Variants in DENND5A observed in about 807,000 individuals in gnomAD.
The protein encoded by DENND5A is DENN domain containing 5A.
DENND5A carries 64 observed loss-of-function variants against 140.3 expected under a neutral mutation model. That is an observed-to-expected ratio of 0.46 (90% confidence interval 0.37 to 0.56). The LOEUF is 0.56. DENND5A is among the 20% of genes least tolerant of loss of function. The pLI, the probability that DENND5A is intolerant of heterozygous loss-of-function variation, is 0.00. For synonymous variants in DENND5A, 605 were observed against 607.7 expected (o/e 1.00, Z 0.07); for missense variants, 1,292 against 1,593.8 (o/e 0.81, Z 3.22).
chr11:9,228,227 G>A (rs1405403518), intron 1 of DENND5A, among the ~76,000 whole-genome samples: 2 of 151,512 alleles, frequency 1.3e-5, no homozygotes, highest in Admixed American at 6.6e-5. Flanking sequence ...CTAATGACAT[G>A]ACTGGTGACC....
intron 22 of DENND5A, among the ~76,000 whole-genome samples, chr11:9,140,881 C>T (rs535101224): frequency 1.3e-5 from 2 of 152,326 alleles, no homozygotes; most frequent in East Asian, 3.9e-4. Flanking sequence ...AATTTCAGCA[C>T]TTTGGGAGGC....
intron 4 of DENND5A, among the ~76,000 whole-genome samples, chr11:9,198,383 C>T (rs992893500): frequency 9.9e-5 from 15 of 151,080 alleles, no homozygotes; most frequent in African/African-American, 3.4e-4. Flanking sequence ...GAGGCCGAGG[C>T]GGGTGGATCA....
At chr11:9,218,234 G>A (rs1361175505) in intron 1 of DENND5A, among the ~76,000 whole-genome samples, 1 of 151,970 alleles carries the variant, frequency 6.6e-6, no homozygotes, top group African/African-American at 2.4e-5. Flanking sequence ...ACTCCAGGCT[G>A]GGTGACAGAG....
chr11:9,263,848 CAAAAAAAAAAAA>C (rs57967676), intron 1 of DENND5A, among the ~76,000 whole-genome samples: 9 of 65,076 alleles, frequency 1.4e-4, no homozygotes, highest in South Asian at 6.3e-4. Flanking sequence ...GACTCCGTCT[CAAAAAAAAAAAA>C]AAAAAAAAAA....
chr11:9,231,629 CACTTGA>C (rs1398275408), intron 1 of DENND5A, among the ~76,000 whole-genome samples: 1 of 147,690 alleles, frequency 6.8e-6, no homozygotes, highest in Non-Finnish European at 1.5e-5. Context: ...GCAAGAGAAT[CACTTGA>C]ACCCAGGAGG....
At chr11:9,191,564 C>T (rs1849128249) in intron 5 of DENND5A, among the ~76,000 whole-genome samples, 1 of 152,174 alleles carries the variant, frequency 6.6e-6, no homozygotes, top group African/African-American at 2.4e-5. Flanking sequence ...TTAAACAACC[C>T]ATGGTTTCTT....
At chr11:9,144,343 T>C in intron 18 of DENND5A, 65 bp from the exon 19 acceptor site, 1 of 1,533,092 alleles carries the variant, frequency 6.5e-7, no homozygotes, top group Non-Finnish European at 8.9e-7. Context: ...GGAAGAGCCA[T>C]CAACAAAGCC....
At chr11:9,238,350 T>TGC (rs1232130119) in intron 1 of DENND5A, among the ~76,000 whole-genome samples, 2 of 98,744 alleles carry the variant, frequency 2.0e-5, no homozygotes, top group Non-Finnish European at 2.0e-5. Flanking sequence ...TAAATGCATG[T>TGC]GTGTGTGTGT....
chr11:9,198,511 T>C (rs900528016), intron 4 of DENND5A, among the ~76,000 whole-genome samples: 2 of 151,646 alleles, frequency 1.3e-5, no homozygotes, highest in African/African-American at 4.9e-5. Flanking sequence ...CTCAGGAGGC[T>C]GAGGCAGAAG....
At chr11:9,204,615 C>A (rs977049418) in intron 3 of DENND5A, among the ~76,000 whole-genome samples, 4 of 152,218 alleles carry the variant, frequency 2.6e-5, no homozygotes, top group African/African-American at 4.8e-5. Flanking sequence ...GTAATCCCAG[C>A]ATTTTGGGAG....
chr11:9,219,921 A>AT (rs1327664165), intron 1 of DENND5A, among the ~76,000 whole-genome samples: 6 of 152,292 alleles, frequency 3.9e-5, no homozygotes, highest in Non-Finnish European at 5.9e-5. Context: ...AGATTAACAC[A>AT]TTTTTTCTGA....
chr11:9,195,898 A>C (rs1849308004), intron 4 of DENND5A, among the ~76,000 whole-genome samples: 1 of 147,816 alleles, frequency 6.8e-6, no homozygotes. Flanking sequence ...CTCAAAAAAC[A>C]AAAAAAAAAG....
chr11:9,150,684 T>C lies in DENND5A; in HGVS notation c.2602A>G (p.Met868Val). The C allele has an allele frequency of 6.2e-7, 1 of 1,611,708 alleles. No homozygotes were observed. Among genetic ancestry groups the C allele is most frequent in the Non-Finnish European group, 8.5e-7 (1 of 1,178,078 alleles). The change falls in exon 14 of 23, where the codon ATG becomes GTG. Residue 868 changes from methionine to valine, a missense_variant. Physicochemically the swap from Met to Val is conservative, Grantham distance 21. Around this residue, in one of 4 missense-constraint regions of DENND5A, gnomAD observed 498 missense variants for 689.7 expected, o/e 0.72. Transcript: ENST00000328194. ...TACATGTGAGCCCATACTGACCTCA[T>C]ATCCTGAATCAGGGAGATCCTCAGG... ...PPLRISLIQD[M>V]RHIQNIGEIK...
At chr11:9,215,255 A>G (rs1850043309) in intron 1 of DENND5A, among the ~76,000 whole-genome samples, 1 of 152,190 alleles carries the variant, frequency 6.6e-6, no homozygotes, top group Non-Finnish European at 1.5e-5. Flanking sequence ...GGCACCACAC[A>G]TGATCCAACT....
chr11:9,232,852 G>T (rs1850829671), intron 1 of DENND5A, among the ~76,000 whole-genome samples: 1 of 152,116 alleles, frequency 6.6e-6, no homozygotes, highest in African/African-American at 2.4e-5. Flanking sequence ...AACAGATAAG[G>T]TGTGGTAAAG....
At chr11:9,259,657 C>T (rs1226049205) in intron 1 of DENND5A, among the ~76,000 whole-genome samples, 1 of 152,128 alleles carries the variant, frequency 6.6e-6, no homozygotes, top group Non-Finnish European at 1.5e-5. Context: ...CATCATCCTG[C>T]CTCAGCCTCC....
chr11:9,252,396 C>T (rs751713295), intron 1 of DENND5A, among the ~76,000 whole-genome samples: 3 of 151,732 alleles, frequency 2.0e-5, no homozygotes, highest in Non-Finnish European at 4.4e-5. Context: ...TGCCTGTAAT[C>T]CCAGCACTTT....
chr11:9,250,855 C>T (rs559950032), intron 1 of DENND5A, among the ~76,000 whole-genome samples: 13 of 152,240 alleles, frequency 8.5e-5, no homozygotes, highest in South Asian at 2.1e-4. Context: ...GACTTCCGGC[C>T]GGGTGCGGTG....
chr11:9,154,773 T>C (rs1418215718), intron 12 of DENND5A, among the ~76,000 whole-genome samples: 1 of 151,560 alleles, frequency 6.6e-6, no homozygotes, highest in Non-Finnish European at 1.5e-5. Context: ...ACAAATCCTA[T>C]ACTAACTGCT....
Sources: allele counts gnomAD v4.1 joint callset (sites outside exome capture counted in the v4.1 genomes callset), GRCh38; gene constraint gnomAD v4.1.1; regional missense constraint gnomAD v4.1.1; transcripts MANE v1.5; gene names NCBI Gene and HGNC (gene_info 2026-07-23, HGNC 2026-07-21).